The following SCN3A variants were observed in gnomAD, a reference collection of about 807,000 sequenced individuals.
SCN3A encodes sodium channel protein type 3 subunit alpha.
In SCN3A, 60 loss-of-function variants were observed where a neutral mutation model predicts 187.6. The ratio of observed to expected loss-of-function variants is 0.32; its 90% confidence interval spans 0.26 to 0.40. SCN3A has a LOEUF of 0.40. Among genes scored for constraint, SCN3A ranks in the 10% least tolerant of loss-of-function variants. The pLI is 1.00. For missense variants in SCN3A, 1,601 were observed against 2,428.2 expected (o/e 0.66, Z 7.16); for synonymous variants, 788 against 829.2 (o/e 0.95, Z 0.85).
chr2:165,124,019 TA>T (rs1332082625), intron 18 of SCN3A, among the ~76,000 whole-genome samples: 1 of 152,104 alleles, frequency 6.6e-6, no homozygotes, highest in African/African-American at 2.4e-5. Context: ...ATTCTAGCTT[TA>T]TAAAAATATA....
At chr2:165,129,873 T>A (rs766579489) in intron 17 of SCN3A, 67 bp downstream of exon 17, 2 of 1,592,358 alleles carry the variant, frequency 1.3e-6, no homozygotes, top group African/African-American at 2.7e-5. Flanking sequence ...GTTTACTACA[T>A]CTGGCCACGT....
intron 2 of SCN3A, among the ~76,000 whole-genome samples, chr2:165,183,681 T>C (rs556697554): frequency 1.3e-5 from 2 of 152,320 alleles, no homozygotes; most frequent in South Asian, 4.1e-4. Context: ...GCAAATTGTA[T>C]TGGTCCATAA....
intron 1 of SCN3A, among the ~76,000 whole-genome samples, chr2:165,190,555 A>T (rs1449237829): frequency 6.8e-6 from 1 of 146,872 alleles, no homozygotes; most frequent in African/African-American, 2.5e-5. Flanking sequence ...TTTATATATA[A>T]CTTTATATAT....
At chr2:165,142,106 T>C (rs907103345) in intron 12 of SCN3A, among the ~76,000 whole-genome samples, 4 of 152,190 alleles carry the variant, frequency 2.6e-5, no homozygotes, top group Admixed American at 6.6e-5. Flanking sequence ...ACAATGGCAT[T>C]CCTCCTTGCT....
At chr2:165,125,539 G>A (rs1445776483) in intron 18 of SCN3A, among the ~76,000 whole-genome samples, 1 of 151,914 alleles carries the variant, frequency 6.6e-6, no homozygotes, top group Non-Finnish European at 1.5e-5. Context: ...GGATGGTCTC[G>A]ATCTCCTGAC....
chr2:165,105,258 C>T (rs1345968399), intron 21 of SCN3A, among the ~76,000 whole-genome samples: 3 of 152,178 alleles, frequency 2.0e-5, no homozygotes, highest in South Asian at 4.1e-4. Flanking sequence ...TTGCTACAGA[C>T]ATCAGAACAT....
chr2:165,100,145 C>A (rs1685537419), intron 22 of SCN3A, among the ~76,000 whole-genome samples, 157 bp downstream of exon 22: 1 of 152,182 alleles, frequency 6.6e-6, no homozygotes, highest in African/African-American at 2.4e-5. Context: ...AAATAAACTC[C>A]AGTTTCAGAA....
At chr2:165,130,510 A>C (rs1687249235) in intron 16 of SCN3A, 2 of 573,784 alleles carry the variant, frequency 3.5e-6, no homozygotes, top group African/African-American at 3.7e-5. Flanking sequence ...AATAAAAATA[A>C]AACATTTCAG....
intron 9 of SCN3A, among the ~76,000 whole-genome samples, chr2:165,156,755 G>A (rs570618214): frequency 1.9e-4 from 29 of 151,936 alleles, no homozygotes; most frequent in South Asian, 4.2e-4. Flanking sequence ...ATCTTGCTAC[G>A]CTGCCCAGGC....
intron 17 of SCN3A, among the ~76,000 whole-genome samples, chr2:165,128,875 A>C (rs1177722517): frequency 1.3e-5 from 2 of 152,198 alleles, no homozygotes; most frequent in Non-Finnish European, 2.9e-5. Context: ...TGAAAAAGTT[A>C]CTCAGCCAAC....
intron 15 of SCN3A, among the ~76,000 whole-genome samples, chr2:165,136,411 T>C (rs184643059): frequency 2.0e-5 from 3 of 152,308 alleles, no homozygotes; most frequent in Admixed American, 1.3e-4. Context: ...GGAAACTGTT[T>C]ATTGAGCACA....
chr2:165,109,443 C>T (rs1359569093), intron 21 of SCN3A, among the ~76,000 whole-genome samples: 1 of 152,136 alleles, frequency 6.6e-6, no homozygotes, highest in African/African-American at 2.4e-5. Context: ...GAATACATCT[C>T]TCTCCCACCC....
At position 165,140,827 on chromosome 2, in the gene SCN3A, G is replaced by T; in HGVS notation, c.1843C>A (p.His615Asn). The stretch of plus-strand genomic sequence containing the variant: ...CTGTTGCGTCGCTCTCCATGTCTGT[G>T]CGGCACAAACAGTGAGTCTCTCCTG... ...ESRRDSLFVP[H>N]RHGERRNSNV... Residue 615 changes from histidine to asparagine, a missense_variant, in exon 13 of 28, where the codon CAC (histidine) becomes AAC (asparagine). This residue lies in a region of SCN3A where 376 missense variants were observed against 476.0 expected (regional missense o/e 0.79). Coordinates refer to ENST00000283254, the MANE Select transcript of SCN3A (RefSeq NM_006922.4). The surrounding 1 kb of genome is among the most constrained non-coding windows in gnomAD (Gnocchi z 4.2). 1.2e-6 allele frequency: 2 copies of T among 1,614,100 alleles called. No homozygotes were observed. The highest frequency in any genetic ancestry group is 1.7e-6 in the Non-Finnish European group (2 of 1,180,006).
intron 18 of SCN3A, among the ~76,000 whole-genome samples, chr2:165,125,453 G>A (rs1686931802): frequency 2.0e-5 from 3 of 152,090 alleles, no homozygotes; most frequent in South Asian, 2.1e-4. Context: ...ACAGGTGCCC[G>A]CCACCGCACC....
At chr2:165,106,132 AT>A (rs1359731170) in intron 21 of SCN3A, among the ~76,000 whole-genome samples, 1 of 152,216 alleles carries the variant, frequency 6.6e-6, no homozygotes, top group African/African-American at 2.4e-5. Context: ...TGGTGCACTC[AT>A]CACTGGTGAC....
chr2:165,113,416 C>T (rs1686212119), intron 20 of SCN3A, among the ~76,000 whole-genome samples: 1 of 151,994 alleles, frequency 6.6e-6, no homozygotes, highest in South Asian at 2.1e-4. Context: ...TCTACAATTT[C>T]CTGAATGATC....
intron 22 of SCN3A, among the ~76,000 whole-genome samples, chr2:165,099,928 T>C (rs1188765291): frequency 6.6e-6 from 1 of 152,190 alleles, no homozygotes; most frequent in Non-Finnish European, 1.5e-5. Flanking sequence ...GCCAGTAATT[T>C]TGAAGGAATC....
chr2:165,132,381 T>C (rs953983234), intron 15 of SCN3A, among the ~76,000 whole-genome samples: 1 of 152,100 alleles, frequency 6.6e-6, no homozygotes, highest in African/African-American at 2.4e-5. Context: ...CTTCAAACTA[T>C]ACTACAAGGC....
chr2:165,168,631 T>G, intron 5 of SCN3A, 105 bp downstream of exon 5: 1 of 849,210 alleles, frequency 1.2e-6, no homozygotes, highest in Non-Finnish European at 2.0e-6. Flanking sequence ...GAAAATAACT[T>G]TTTCTTAGAC....
Sources: allele counts gnomAD v4.1 joint callset (sites outside exome capture counted in the v4.1 genomes callset), GRCh38; gene constraint gnomAD v4.1.1; regional missense constraint gnomAD v4.1.1; non-coding constraint Gnocchi (gnomAD v3.1); transcripts MANE v1.5; gene names NCBI Gene and HGNC (gene_info 2026-07-23, HGNC 2026-07-21).